The following TNKS variants were observed in gnomAD, a reference collection of about 807,000 sequenced individuals.
TNKS encodes the protein poly [ADP-ribose] polymerase tankyrase-1.
Under a neutral mutation model 135.8 loss-of-function variants are expected in TNKS, and 72 were observed. That is an observed-to-expected ratio of 0.53 (90% CI 0.44 to 0.64). TNKS has a LOEUF of 0.64. Ranked by LOEUF, TNKS falls within the 30% of genes least tolerant of loss-of-function variation. TNKS has a pLI of 0.00. For missense variants in TNKS, 1,769 were observed against 1,674.0 expected, an observed-to-expected ratio of 1.06 and a Z score of -0.99; for synonymous variants, 849 against 649.3, an observed-to-expected ratio of 1.31 and a Z score of -4.68.
intron 11 of TNKS, chr8:9,710,544 A>C (rs2096986076): frequency 2.1e-6 from 1 of 471,072 alleles, no homozygotes. Context: ...CTTGAATAAC[A>C]GTTTATCAGA....
intron 2 of TNKS, among the ~76,000 whole-genome samples, chr8:9,611,456 ACTTTT>A: frequency 6.6e-6 from 1 of 152,328 alleles, no homozygotes; most frequent in East Asian, 1.9e-4. Flanking sequence ...GCAATGTGGT[ACTTTT>A]TCAGAAAAAT....
At chr8:9,713,616 C>T (rs1804441261) in intron 11 of TNKS, among the ~76,000 whole-genome samples, 2 of 152,112 alleles carry the variant, frequency 1.3e-5, no homozygotes, top group Admixed American at 6.5e-5. Context: ...AGTTCATCTA[C>T]ATTGATAACG....
At chr8:9,647,235 G>A (rs536176825) in intron 3 of TNKS, among the ~76,000 whole-genome samples, 4 of 152,220 alleles carry the variant, frequency 2.6e-5, no homozygotes, top group South Asian at 2.1e-4. Context: ...CACTTTTTGC[G>A]TAATGATTCT....
chr8:9,609,869 T>C (rs1799380532), intron 2 of TNKS, among the ~76,000 whole-genome samples: 1 of 152,194 alleles, frequency 6.6e-6, no homozygotes, highest in Admixed American at 6.5e-5. Flanking sequence ...TTCTTTTTTT[T>C]CTTTTTGAAG....
At chr8:9,590,070 C>T (rs1293923899) in intron 2 of TNKS, among the ~76,000 whole-genome samples, 5 of 152,176 alleles carry the variant, frequency 3.3e-5, no homozygotes, top group Non-Finnish European at 4.4e-5. Context: ...AACTGCACAG[C>T]TTGTGTGTTC....
intron 3 of TNKS, among the ~76,000 whole-genome samples, chr8:9,636,974 A>G (rs1287440706): frequency 6.6e-6 from 1 of 152,206 alleles, no homozygotes; most frequent in Non-Finnish European, 1.5e-5. Context: ...GCCTCTTGAC[A>G]GTTTTAAAAT....
At chr8:9,602,372 C>T (rs545558763) in intron 2 of TNKS, among the ~76,000 whole-genome samples, 9 of 152,198 alleles carry the variant, frequency 5.9e-5, no homozygotes, top group African/African-American at 2.2e-4. Context: ...TGTGGAATAC[C>T]CTGTTTTGGA....
intron 20 of TNKS, 29 bp from the exon 21 acceptor site, chr8:9,761,487 A>G: frequency 1.9e-6 from 3 of 1,611,700 alleles, no homozygotes; most frequent in Admixed American, 1.7e-5. Flanking sequence ...TGTTAAAGAT[A>G]TCCTAGCTAA....
At chr8:9,745,941 A>G (rs761109381) in intron 17 of TNKS, among the ~76,000 whole-genome samples, 4 of 152,194 alleles carry the variant, frequency 2.6e-5, no homozygotes, top group Non-Finnish European at 5.9e-5. Context: ...AGTGCAGGGA[A>G]GACGATATCT....
At position 9,778,641 on chromosome 8, in the gene TNKS, G is replaced by A. The variant is rs1334841451; in HGVS notation, c.*1905G>A. The A allele has an allele frequency of 6.6e-6, 1 of 152,556 alleles. No individual in the cohort carries two copies. Among genetic ancestry groups the A allele is most frequent in the East Asian group, 1.9e-4 (1 of 5,184 alleles). 9.5% of individuals were successfully genotyped at this position (152,556 alleles called of 1,614,324 possible). On this transcript the variant is annotated 3_prime_UTR_variant, in exon 27 of 27. Transcript: ENST00000310430. ...CTTGTTTAATAGCACTAGAATTCCA[G>A]GTGAAGCTTTGAGAGTTGATATTCA...
chr8:9,709,154 C>T (rs112356027), intron 9 of TNKS, among the ~76,000 whole-genome samples: 4 of 152,176 alleles, frequency 2.6e-5, no homozygotes, highest in South Asian at 4.1e-4. Context: ...AATATTCTTA[C>T]GTATATTTGA....
Position 9,643,341 on chromosome 8 carries a change from G to A in TNKS, c.994+27664G>A, listed in dbSNP as rs187495337. ...TGTCTGGTTAGGGCCTGTTTGCTGT[G>A]TCATCCCATGGTGGAAGGCAGAAGA... is the stretch of plus-strand genomic sequence containing the variant. On this transcript the variant is annotated intron_variant, in intron 3 of 26. Coordinates refer to ENST00000310430, the MANE Select transcript of TNKS (RefSeq NM_003747.3). Among the ~76,000 whole-genome samples, 354 of 145,898 alleles carry A rather than the reference G, an allele frequency of 2.4e-3. 45 individuals carry two copies. Among genetic ancestry groups the A allele is most frequent in the African/African-American group, 8.8e-3 (346 of 39,410 alleles).
At chr8:9,564,719 T>C (rs912291275) in intron 1 of TNKS, among the ~76,000 whole-genome samples, 1 of 152,260 alleles carries the variant, frequency 6.6e-6, no homozygotes, top group African/African-American at 2.4e-5. Flanking sequence ...AGTTTTGGTG[T>C]AGCCCTGCTC....
intron 25 of TNKS, among the ~76,000 whole-genome samples, chr8:9,768,492 T>TA (rs1260828418): frequency 6.6e-6 from 1 of 152,238 alleles, no homozygotes; most frequent in Admixed American, 6.5e-5. Flanking sequence ...ACCCTACCAT[T>TA]TAGGCTGCTG....
At chr8:9,626,568 T>C (rs960975308) in intron 3 of TNKS, among the ~76,000 whole-genome samples, 3 of 152,210 alleles carry the variant, frequency 2.0e-5, no homozygotes, top group African/African-American at 7.2e-5. Context: ...TGATTTTCTG[T>C]TGAAACCTAG....
intron 1 of TNKS, chr8:9,557,626 T>C (rs1815380959): frequency 6.6e-6 from 1 of 151,942 alleles, no homozygotes; most frequent in Admixed American, 6.6e-5. Flanking sequence ...GACAGAAAAA[T>C]ACAAAATGAA....
chr8:9,759,232 G>A (rs544624356), intron 20 of TNKS, among the ~76,000 whole-genome samples: 4 of 152,332 alleles, frequency 2.6e-5, no homozygotes, highest in South Asian at 4.1e-4. Flanking sequence ...CTGCCATAGC[G>A]TGGCAGCCAG....
intron 11 of TNKS, among the ~76,000 whole-genome samples, chr8:9,714,216 A>C (rs550577373): frequency 6.6e-6 from 1 of 152,182 alleles, no homozygotes; most frequent in Non-Finnish European, 1.5e-5. Flanking sequence ...TATAACCTAG[A>C]CAGGCATGCT....
chr8:9,706,539 T>A (rs1804055396), intron 7 of TNKS, among the ~76,000 whole-genome samples: 1 of 152,198 alleles, frequency 6.6e-6, no homozygotes, highest in East Asian at 1.9e-4. Flanking sequence ...ATTTTTATGT[T>A]TTTTGTAGAG....
Sources: allele counts gnomAD v4.1 joint callset (sites outside exome capture counted in the v4.1 genomes callset), GRCh38; gene constraint gnomAD v4.1.1; transcripts MANE v1.5; gene names NCBI Gene and HGNC (gene_info 2026-07-23, HGNC 2026-07-21).